Variants in TRDN observed in about 807,000 individuals in gnomAD.
The protein encoded by TRDN is triadin in skeletal muscle.
TRDN carries 161 observed loss-of-function variants against 149.7 expected under a neutral mutation model. The ratio of observed to expected loss-of-function variants is 1.08; its 90% CI spans 0.95 to 1.23. The LOEUF (loss-of-function observed/expected upper bound fraction) is 1.23. Ranked by LOEUF, TRDN falls within the 50% of genes most tolerant of loss-of-function variation. The pLI, the probability that TRDN is intolerant of heterozygous loss-of-function variation, is 0.00. For synonymous variants in TRDN, 294 were observed against 250.5 expected (o/e 1.17, Z -1.64); for missense variants, 896 against 823.5 (o/e 1.09, Z -1.08).
At position 123,289,052 on chromosome 6, in the gene TRDN, CTA is replaced by C. The variant is rs200145779; in HGVS notation, c.1511-9972_1511-9971del. ...GTGTGTGTGTGTATATATATATACA[CTA>C]TATATATATAGTATGTATGTATAGT... is the stretch of plus-strand genomic sequence containing the variant. On this transcript the variant is annotated intron_variant, in intron 24 of 40. Transcript: ENST00000334268. 3.9e-3 allele frequency among the ~76,000 whole-genome samples: 549 copies of C among 140,056 alleles called. 2 individuals are homozygous for C. The highest frequency in any genetic ancestry group is 5.7e-3 in the Non-Finnish European group (371 of 64,806). The allele number at this position is 140,056 out of a possible 152,430, so 91.9% of individuals were successfully genotyped here.
At chr6:123,423,092 T>C (rs1185675211) in intron 12 of TRDN, among the ~76,000 whole-genome samples, 1 of 152,198 alleles carries the variant, frequency 6.6e-6, no homozygotes, top group East Asian at 1.9e-4. Context: ...TGTTTATTAA[T>C]AGTTTGGAGG....
At chr6:123,349,442 G>A (rs1780371690) in intron 21 of TRDN, 4 of 779,678 alleles carry the variant, frequency 5.1e-6, no homozygotes, top group Non-Finnish European at 6.2e-6. Flanking sequence ...AAAGCACGAA[G>A]TATTGTCAAA....
chr6:123,583,490 G>A (rs560473407), intron 1 of TRDN, among the ~76,000 whole-genome samples: 1 of 151,646 alleles, frequency 6.6e-6, no homozygotes, highest in African/African-American at 2.4e-5. Flanking sequence ...AGCTTGGTGA[G>A]GTGTGTTTTT....
intron 5 of TRDN, among the ~76,000 whole-genome samples, chr6:123,525,626 G>C (rs1449226455): frequency 6.6e-6 from 1 of 151,932 alleles, no homozygotes; most frequent in Non-Finnish European, 1.5e-5. Context: ...CACACTAGAA[G>C]AGCTCAATCC....
At chr6:123,264,291 G>A (rs1425444560) in intron 33 of TRDN, among the ~76,000 whole-genome samples, 1 of 152,048 alleles carries the variant, frequency 6.6e-6, no homozygotes, top group Non-Finnish European at 1.5e-5. Flanking sequence ...ATCAACAGGA[G>A]TTTGAAAGAA....
chr6:123,445,156 CTT>C (rs1407939381), intron 10 of TRDN: 1 of 151,510 alleles, frequency 6.6e-6, no homozygotes, highest in Non-Finnish European at 1.5e-5. Flanking sequence ...GTCCTGGACT[CTT>C]TTTGGTTGGT....
In TRDN at chr6:123,280,655, T is replaced by TC. The variant is rs1330600004; in HGVS notation, c.1511-1574_1511-1573insG. On this transcript the variant is annotated intron_variant, in intron 24 of 40. Transcript: ENST00000334268. ...TTTTGTTCCTCTTCTTTTCTTTCTT[T>TC]TTTTTTTTTTTTGGCTAACCTCTGC... Among the ~76,000 whole-genome samples, 158 of 150,016 alleles carry TC rather than the reference T, an allele frequency of 1.1e-3. 1 individual carries two copies. Among genetic ancestry groups the TC allele is most frequent in the African/African-American group, 3.6e-3 (149 of 41,162 alleles).
intron 1 of TRDN, among the ~76,000 whole-genome samples, chr6:123,629,723 A>G (rs1785879073): frequency 6.6e-6 from 1 of 152,146 alleles, no homozygotes; most frequent in East Asian, 1.9e-4. Context: ...ATACCAAAGA[A>G]TCTCTCACAA....
chr6:123,499,719 A>AAAAAAAAAAAAAAAAAAAATAT, intron 8 of TRDN, among the ~76,000 whole-genome samples: 2 of 47,678 alleles, frequency 4.2e-5, no homozygotes, highest in Non-Finnish European at 9.0e-5. Context: ...AAAAAAAAAA[A>AAAAAAAAAAAAAAAAAAAATAT]ATATATATAT....
rs997948419 is a variant in TRDN, at chr6:123,218,577, C to T, written c.*24G>A. On this transcript the variant is annotated 3_prime_UTR_variant, in exon 41 of 41. Coordinates refer to ENST00000334268, the MANE Select transcript of TRDN (RefSeq NM_006073.4). ...ATCACATTTTTAAAATCTTAAAGCACTTGTAAGGGTCATACATGTGTGTTT... is the reference window on the plus strand; with the variant it reads ...ATCACATTTTTAAAATCTTAAAGCATTTGTAAGGGTCATACATGTGTGTTT... 2 of 1,599,692 alleles carry T rather than the reference C, an allele frequency of 1.3e-6. No individual in the cohort carries two copies. Among genetic ancestry groups the T allele is most frequent in the African/African-American group, 1.4e-5 (1 of 74,026 alleles).
At chr6:123,289,739 G>C (rs1170439897) in intron 24 of TRDN, among the ~76,000 whole-genome samples, 1 of 152,098 alleles carries the variant, frequency 6.6e-6, no homozygotes, top group African/African-American at 2.4e-5. Context: ...GCTACTCTCT[G>C]CCTATGGGGT....
chr6:123,529,221 G>A (rs1583194776), intron 5 of TRDN: 2 of 1,548,484 alleles, frequency 1.3e-6, no homozygotes, highest in East Asian at 4.9e-5. Flanking sequence ...TTAACCTTCA[G>A]CAGATAGAAA....
intron 1 of TRDN, among the ~76,000 whole-genome samples, chr6:123,584,709 T>A (rs911335328): frequency 2.6e-5 from 4 of 152,036 alleles, no homozygotes; most frequent in African/African-American, 9.7e-5. Context: ...GGTGTCAGGG[T>A]CAGTCCAAGT....
intron 9 of TRDN, 61 bp downstream of exon 9, chr6:123,497,132 G>T (rs867894005): frequency 7.6e-7 from 1 of 1,323,732 alleles, no homozygotes; most frequent in Non-Finnish European, 1.0e-6. Context: ...TACATAAAAA[G>T]CCCACAATCT....
chr6:123,328,609 G>A (rs1779550675), intron 23 of TRDN, among the ~76,000 whole-genome samples: 1 of 152,092 alleles, frequency 6.6e-6, no homozygotes, highest in Admixed American at 6.6e-5. Context: ...TGTTAGTAGG[G>A]ATATTCCTGA....
chr6:123,598,062 C>A (rs2114640055), intron 1 of TRDN, among the ~76,000 whole-genome samples: 1 of 152,092 alleles, frequency 6.6e-6, no homozygotes, highest in South Asian at 2.1e-4. Flanking sequence ...GGCTCCACAG[C>A]AAAAGGTTGT....
intron 21 of TRDN, among the ~76,000 whole-genome samples, chr6:123,340,630 T>A (rs963654136): frequency 2.8e-4 from 43 of 152,104 alleles, no homozygotes; most frequent in African/African-American, 7.7e-4. Context: ...CTTCAAAAAC[T>A]CTCTCTCTCT....
At chr6:123,472,557 G>A (rs1439143221) in intron 9 of TRDN, among the ~76,000 whole-genome samples, 1 of 152,234 alleles carries the variant, frequency 6.6e-6, no homozygotes, top group Non-Finnish European at 1.5e-5. Flanking sequence ...CAGCCGGGAA[G>A]CTCGAACTGG....
chr6:123,438,008 A>T, intron 12 of TRDN, 55 bp downstream of exon 12: 1 of 1,460,140 alleles, frequency 6.8e-7, no homozygotes, highest in South Asian at 1.2e-5. Context: ...GGAGTCTTTC[A>T]TGAAGCAAAC....
Sources: gnomAD v4.1 joint callset for allele counts (sites outside exome capture counted in the v4.1 genomes callset) on GRCh38, gnomAD v4.1.1 for gene constraint, MANE v1.5 for transcripts, NCBI Gene and HGNC (gene_info 2026-07-23, HGNC 2026-07-21) for gene names.